SPOCK3: variants seen among roughly 807,000 people sequenced by gnomAD.
SPOCK3 encodes the protein testican-3.
In SPOCK3, 30 loss-of-function variants were observed where a neutral mutation model predicts 56.6. The ratio of observed to expected loss-of-function variants is 0.53; its 90% CI spans 0.40 to 0.72. SPOCK3 has a LOEUF of 0.72. Ranked by LOEUF, SPOCK3 falls within the 30% of genes least tolerant of loss-of-function variation. The pLI, the probability that SPOCK3 is intolerant of heterozygous loss-of-function variation, is 0.00. For synonymous variants in SPOCK3, 196 were observed against 183.3 expected (o/e 1.07, Z -0.56); for missense variants, 527 against 530.0 (o/e 0.99, Z 0.06).
intron 6 of SPOCK3, among the ~76,000 whole-genome samples, chr4:166,869,606 CTGTGTGTGTGTGTGTGTGTGTGTGTGTG>C (rs34623275): frequency 7.1e-6 from 1 of 141,828 alleles, no homozygotes; most frequent in Non-Finnish European, 1.5e-5. Flanking sequence ...CAATAGAATT[CTGTGTGTGTGTGTGTGTGTGTGTGTGTG>C]TGTGTGTGTG....
chr4:167,025,103 A>G (rs1044607101), intron 3 of SPOCK3, among the ~76,000 whole-genome samples: 10 of 152,060 alleles, frequency 6.6e-5, no homozygotes, highest in Non-Finnish European at 1.0e-4. Context: ...GTGAGTAGAT[A>G]ATATATCTGA....
chr4:166,804,975 A>G (rs1743005931), intron 6 of SPOCK3, among the ~76,000 whole-genome samples: 1 of 152,158 alleles, frequency 6.6e-6, no homozygotes, highest in Non-Finnish European at 1.5e-5. Context: ...TTAGATATTT[A>G]AGATGCTTTC....
intron 2 of SPOCK3, among the ~76,000 whole-genome samples, chr4:167,075,243 A>T (rs1259173927): frequency 6.6e-6 from 1 of 151,922 alleles, no homozygotes; most frequent in Admixed American, 6.6e-5. Context: ...AAAAATTGAA[A>T]TGAAAAAAAG....
At chr4:166,864,512 T>C (rs888746573) in intron 6 of SPOCK3, among the ~76,000 whole-genome samples, 1 of 151,368 alleles carries the variant, frequency 6.6e-6, no homozygotes, top group East Asian at 1.9e-4. Flanking sequence ...TTGTAAAAGA[T>C]TAACAAAATA....
chr4:167,064,404 A>C (rs1467154384), intron 2 of SPOCK3, among the ~76,000 whole-genome samples: 2 of 151,898 alleles, frequency 1.3e-5, no homozygotes, highest in Non-Finnish European at 2.9e-5. Flanking sequence ...ATTGTCTTTA[A>C]AATATTTTTA....
intron 2 of SPOCK3, among the ~76,000 whole-genome samples, chr4:167,220,167 TA>T (rs1345784217): frequency 6.6e-6 from 1 of 152,174 alleles, no homozygotes; most frequent in Non-Finnish European, 1.5e-5. Flanking sequence ...CGTATGATAG[TA>T]AGTTGTGAAT....
At chr4:166,924,487 C>T (rs538852596) in intron 4 of SPOCK3, among the ~76,000 whole-genome samples, 11 of 152,308 alleles carry the variant, frequency 7.2e-5, no homozygotes, top group Admixed American at 2.6e-4. Flanking sequence ...ATTTAATCTA[C>T]GAACTCATGC....
chr4:166,957,822 C>A (rs974866088), intron 4 of SPOCK3, among the ~76,000 whole-genome samples: 1 of 152,096 alleles, frequency 6.6e-6, no homozygotes, highest in South Asian at 2.1e-4. Context: ...AATGTCTATG[C>A]CCTCATTGTA....
chr4:167,164,244 AAG>A (rs1689591902), intron 2 of SPOCK3, among the ~76,000 whole-genome samples: 1 of 152,126 alleles, frequency 6.6e-6, no homozygotes, highest in African/African-American at 2.4e-5. Context: ...CATTCTAGCT[AAG>A]AAAATATTTC....
intron 2 of SPOCK3, among the ~76,000 whole-genome samples, chr4:167,231,522 G>A (rs920263624): frequency 9.2e-5 from 14 of 152,062 alleles, no homozygotes; most frequent in African/African-American, 2.9e-4. Context: ...AGATATGAAT[G>A]CTCATGCAGA....
At chr4:166,924,414 A>T (rs2149983060) in intron 4 of SPOCK3, among the ~76,000 whole-genome samples, 1 of 152,332 alleles carries the variant, frequency 6.6e-6, no homozygotes, top group African/African-American at 2.4e-5. Flanking sequence ...TAAACCTTTC[A>T]GAACACTGTT....
At chr4:167,062,397 AT>A (rs1425326620) in intron 3 of SPOCK3, 94 bp downstream of exon 3, 5 of 914,566 alleles carry the variant, frequency 5.5e-6, no homozygotes, top group Non-Finnish European at 8.2e-6. Context: ...TCTATTTAGT[AT>A]TTTCAAGCCT....
chr4:167,134,022 C>CT (rs34410893), intron 2 of SPOCK3, among the ~76,000 whole-genome samples: 4,111 of 80,558 alleles, frequency 0.051, 197 homozygotes, highest in African/African-American at 0.072. Context: ...ACACCTTTTT[C>CT]TTTTTTTTTT....
intron 7 of SPOCK3, among the ~76,000 whole-genome samples, chr4:166,771,289 G>A (rs780085370): frequency 5.9e-5 from 9 of 151,802 alleles, no homozygotes; most frequent in Admixed American, 2.0e-4. Context: ...CTCAGCATTT[G>A]TTGCTTCATC....
chr4:166,979,377 C>A (rs759396252), intron 4 of SPOCK3, among the ~76,000 whole-genome samples: 2 of 152,118 alleles, frequency 1.3e-5, no homozygotes, highest in Non-Finnish European at 2.9e-5. Flanking sequence ...CTACAATAAA[C>A]CAACATAAAA....
chr4:167,110,460 A>T (rs1393475100), intron 2 of SPOCK3, among the ~76,000 whole-genome samples: 1 of 152,100 alleles, frequency 6.6e-6, no homozygotes, highest in Non-Finnish European at 1.5e-5. Context: ...CTCACCTCTT[A>T]TCTATATGAT....
At chr4:166,906,839 T>C (rs1422240919) in intron 5 of SPOCK3, among the ~76,000 whole-genome samples, 1 of 151,872 alleles carries the variant, frequency 6.6e-6, no homozygotes, top group Non-Finnish European at 1.5e-5. Context: ...ATTTAGAAAA[T>C]GAATTTGCTT....
At chr4:167,097,300 GT>G (rs2150318676) in intron 2 of SPOCK3, among the ~76,000 whole-genome samples, 1 of 151,722 alleles carries the variant, frequency 6.6e-6, no homozygotes, top group Non-Finnish European at 1.5e-5. Context: ...ATATTCTCAA[GT>G]TTTGAGTATT....
At chr4:167,106,131 T>C (rs959342730) in intron 2 of SPOCK3, among the ~76,000 whole-genome samples, 3 of 151,942 alleles carry the variant, frequency 2.0e-5, no homozygotes, top group African/African-American at 7.2e-5. Context: ...CCAATGACCT[T>C]TATAGGTATA....
Sources: allele counts gnomAD v4.1 joint callset (sites outside exome capture counted in the v4.1 genomes callset), GRCh38; gene constraint gnomAD v4.1.1; transcripts MANE v1.5; gene names NCBI Gene and HGNC (gene_info 2026-07-23, HGNC 2026-07-21).